DARS1: variants seen among roughly 807,000 people sequenced by gnomAD.
DARS1 encodes aspartyl-tRNA synthetase 1.
Under a neutral mutation model 68.8 loss-of-function variants are expected in DARS1, and 51 were observed. The ratio of observed to expected loss-of-function variants is 0.74; its 90% confidence interval spans 0.59 to 0.94. The LOEUF (loss-of-function observed/expected upper bound fraction) is 0.94. DARS1 is among the 40% of genes least tolerant of loss of function. The pLI is 0.00. For synonymous variants in DARS1, 203 were observed against 190.4 expected (o/e 1.07, Z -0.55); for missense variants, 607 against 597.3 (o/e 1.02, Z -0.17).
intron 4 of DARS1, among the ~76,000 whole-genome samples, chr2:135,959,206 A>G (rs1294682713): frequency 6.6e-6 from 1 of 151,862 alleles, no homozygotes; most frequent in Non-Finnish European, 1.5e-5. Flanking sequence ...AGCCTGACCA[A>G]CATGGAGAAA....
intron 4 of DARS1, 123 bp downstream of exon 4, chr2:135,961,273 T>C (rs1014280386): frequency 1.6e-6 from 1 of 643,730 alleles, no homozygotes; most frequent in African/African-American, 1.8e-5. Context: ...ACTGACAATT[T>C]AAATAACTAC....
At chr2:135,910,937 G>C in intron 15 of DARS1, 1 of 473,918 alleles carries the variant, frequency 2.1e-6, no homozygotes, top group Non-Finnish European at 3.8e-6. Flanking sequence ...AAGACATTTG[G>C]CTTCTAAATT....
chr2:135,954,352 G>C (rs1365148519), intron 4 of DARS1, among the ~76,000 whole-genome samples: 1 of 138,626 alleles, frequency 7.2e-6, no homozygotes, highest in African/African-American at 2.7e-5. Context: ...AAAAGAGAGA[G>C]AGAACAGAAC....
intron 15 of DARS1, among the ~76,000 whole-genome samples, chr2:135,909,862 C>T (rs774392390): frequency 1.3e-5 from 2 of 151,974 alleles, no homozygotes; most frequent in Non-Finnish European, 2.9e-5. Flanking sequence ...TTTTTGAGTG[C>T]CAACATGATA....
intron 4 of DARS1, among the ~76,000 whole-genome samples, chr2:135,945,983 T>C (rs1220889603): frequency 6.6e-6 from 1 of 152,230 alleles, no homozygotes; most frequent in Non-Finnish European, 1.5e-5. Flanking sequence ...ATTATCTCTA[T>C]ACAGCTACAT....
intron 9 of DARS1, among the ~76,000 whole-genome samples, chr2:135,922,553 G>T (rs1004624297): frequency 3.3e-5 from 5 of 152,116 alleles, no homozygotes; most frequent in African/African-American, 1.2e-4. Flanking sequence ...CACATGGAAT[G>T]ATGCTCAACT....
intron 7 of DARS1, among the ~76,000 whole-genome samples, chr2:135,924,857 T>C (rs1323681504): frequency 6.6e-6 from 1 of 152,198 alleles, no homozygotes; most frequent in Non-Finnish European, 1.5e-5. Flanking sequence ...TAGCAATGTT[T>C]GTGCAGCATA....
Position 135,916,275 on chromosome 2 carries a change from C to T in DARS1, c.1057G>A (p.Ala353Thr). The T allele has an allele frequency of 3.8e-6, 6 of 1,573,986 alleles. No homozygotes were observed. Among genetic ancestry groups the T allele is most frequent in the Non-Finnish European group, 5.2e-6 (6 of 1,143,318 alleles). Residue 353 changes from alanine (A) to threonine (T), a missense_variant, in exon 11 of 16, where the codon GCT (alanine) becomes ACT (threonine). Transcript: ENST00000264161. ...TLRLEYCEALAMLREAGVEMG... is the reference protein window; with the variant it reads ...TLRLEYCEALTMLREAGVEMG... Reference sequence around the variant, plus strand: ...TCGACTCCAGCTTCCCTAAGCATAGCCAATGCTTCACAATATTCTAGTCTT... The same window carrying T: ...TCGACTCCAGCTTCCCTAAGCATAGTCAATGCTTCACAATATTCTAGTCTT...
intron 4 of DARS1, among the ~76,000 whole-genome samples, chr2:135,959,751 T>C (rs886483201): frequency 6.6e-6 from 1 of 152,214 alleles, no homozygotes; most frequent in African/African-American, 2.4e-5. Context: ...CTGAATATTA[T>C]GGGTAACTGG....
chr2:135,973,162 G>C (rs1682418221), intron 3 of DARS1, among the ~76,000 whole-genome samples: 1 of 152,108 alleles, frequency 6.6e-6, no homozygotes, highest in African/African-American at 2.4e-5. Flanking sequence ...CCAATATTTG[G>C]AAGCAACCTA....
rs531760667 is a variant in DARS1, at chr2:135,951,837, C to A, written c.321-8357G>T. 1.3e-5 allele frequency among the ~76,000 whole-genome samples: 2 copies of A among 152,144 alleles called. 1 individual carries two copies. Among genetic ancestry groups the A allele is most frequent in the Admixed American group, 1.3e-4 (2 of 15,272 alleles). On this transcript the variant is annotated intron_variant, in intron 4 of 15. Coordinates refer to ENST00000264161, the MANE Select transcript of DARS1 (RefSeq NM_001349.4). ...TTACAAACTGCCTTTCTTTTGATACCCACTTCCACAAGCAAACTGCACATT... is the reference window on the plus strand; with the variant it reads ...TTACAAACTGCCTTTCTTTTGATACACACTTCCACAAGCAAACTGCACATT...
chr2:135,963,534 G>A (rs1411253804), intron 3 of DARS1, among the ~76,000 whole-genome samples: 1 of 151,950 alleles, frequency 6.6e-6, no homozygotes, highest in Non-Finnish European at 1.5e-5. Context: ...ACCAGGCCTA[G>A]CTAATTTTTG....
intron 3 of DARS1, among the ~76,000 whole-genome samples, chr2:135,971,420 G>A (rs1682367203): frequency 6.6e-6 from 1 of 152,028 alleles, no homozygotes; most frequent in Non-Finnish European, 1.5e-5. Context: ...CCCAAAAACT[G>A]GGCATAGAAG....
chr2:135,966,328 AT>A (rs1368682495), intron 3 of DARS1, among the ~76,000 whole-genome samples: 1 of 152,106 alleles, frequency 6.6e-6, no homozygotes, highest in East Asian at 1.9e-4. Flanking sequence ...ATTACTTTCT[AT>A]TTTAAGAAGC....
rs1194157817 is a variant in DARS1, at chr2:135,979,296, T to C, written c.195A>G (p.Arg65=). ...TACCTTTAGCTCTGCTTGTATGAAC[T>C]CTTGCACGTACCCAAACAACTTCAT... ...KADEVVWVRA[R]VHTSRAKGKQ... is the part of the protein sequence containing the mutation. Residue 65 remains arginine (R), a synonymous_variant, in exon 3 of 16, where the codon AGA becomes AGG. Transcript: ENST00000264161. The C allele has an allele frequency of 6.9e-6, 10 of 1,459,438 alleles. No homozygotes were observed. Among genetic ancestry groups the C allele is most frequent in the African/African-American group, 2.8e-5 (2 of 71,928 alleles). The allele number at this position is 1,459,438 out of a possible 1,614,324, so 90.4% of individuals were successfully genotyped here. A position where few individuals can be genotyped will look rare whatever the true frequency, so the allele number is the denominator to read the frequency against.
At chr2:135,909,431 G>T (rs1432701053) in intron 15 of DARS1, among the ~76,000 whole-genome samples, 2 of 152,134 alleles carry the variant, frequency 1.3e-5, no homozygotes, top group African/African-American at 4.8e-5. Context: ...ACTGTGAAAT[G>T]ATTAAATCAA....
At chr2:135,929,024 TTAAC>T (rs1201078728) in intron 7 of DARS1, among the ~76,000 whole-genome samples, 1 of 152,208 alleles carries the variant, frequency 6.6e-6, no homozygotes, top group Non-Finnish European at 1.5e-5. Context: ...TGTGTTCAGG[TTAAC>T]TGTGTCAAGA....
intron 4 of DARS1, among the ~76,000 whole-genome samples, chr2:135,947,663 A>C (rs1681755244): frequency 6.6e-6 from 1 of 152,048 alleles, no homozygotes; most frequent in South Asian, 2.1e-4. Flanking sequence ...CACATAGCTA[A>C]TAAGATCATT....
chr2:135,933,633 A>G (rs1393376638), intron 6 of DARS1, among the ~76,000 whole-genome samples: 1 of 152,156 alleles, frequency 6.6e-6, no homozygotes, highest in Non-Finnish European at 1.5e-5. Flanking sequence ...AATTTTTAAT[A>G]AAGTAATAAA....
Sources: gnomAD v4.1 joint callset for allele counts (sites outside exome capture counted in the v4.1 genomes callset) on GRCh38, gnomAD v4.1.1 for gene constraint, MANE v1.5 for transcripts, NCBI Gene and HGNC (gene_info 2026-07-23, HGNC 2026-07-21) for gene names.